The following MTHFD1L variants were observed in gnomAD, a reference collection of about 807,000 sequenced individuals.
The protein encoded by MTHFD1L is monofunctional C1-tetrahydrofolate synthase, mitochondrial.
In MTHFD1L, 81 loss-of-function variants were observed where a neutral mutation model predicts 119.5. The observed-to-expected ratio is 0.68, with a 90% CI of 0.57 to 0.82. MTHFD1L has a LOEUF of 0.82. Among genes scored for constraint, MTHFD1L ranks in the 40% least tolerant of loss-of-function variants. MTHFD1L has a pLI of 0.00. For synonymous variants in MTHFD1L, 430 were observed against 475.2 expected (o/e 0.90, Z 1.24); for missense variants, 1,125 against 1,253.4 (o/e 0.90, Z 1.55).
Position 151,041,998 on chromosome 6 carries a change from A to T in MTHFD1L, c.2847+4881A>T, listed in dbSNP as rs1023526432. 10 of 365,090 alleles carry T rather than the reference A, an allele frequency of 2.7e-5. No individual in the cohort carries two copies. The Admixed American group carries it at 4.0e-4, about 15-fold the overall frequency. The allele number at this position is 365,090 out of a possible 1,614,324, so 22.6% of individuals were successfully genotyped here. A position where few individuals can be genotyped will look rare whatever the true frequency, so the allele number is the denominator to read the frequency against. On this transcript the variant is annotated intron_variant, in intron 26 of 27. Transcript: ENST00000367321. ...TTTCCTACCATTGAATTATTTCGTC[A>T]TGTTCTATTTAATTATTGCTTTAAT... is the stretch of plus-strand genomic sequence containing the variant.
chr6:151,006,570 GT>G (rs1271080509), intron 20 of MTHFD1L, among the ~76,000 whole-genome samples: 1 of 152,082 alleles, frequency 6.6e-6, no homozygotes, highest in Non-Finnish European at 1.5e-5. Context: ...GAGGAGCTAG[GT>G]TTTTGAAGGG....
intron 24 of MTHFD1L, among the ~76,000 whole-genome samples, chr6:151,030,548 G>A (rs1000637627): frequency 4.6e-5 from 7 of 152,218 alleles, no homozygotes; most frequent in African/African-American, 1.7e-4. Context: ...AGAGGAGCTC[G>A]CATTAGTTTC....
intron 26 of MTHFD1L, among the ~76,000 whole-genome samples, chr6:151,066,437 CAAAAAAAAAAAAAAA>C (rs35065800): frequency 2.0e-5 from 1 of 50,686 alleles, no homozygotes; most frequent in Non-Finnish European, 3.5e-5. Context: ...GACTCCATCT[CAAAAAAAAAAAAAAA>C]AAAAAAAAGA....
chr6:150,916,212 G>A (rs1296148763), intron 8 of MTHFD1L, among the ~76,000 whole-genome samples: 1 of 151,686 alleles, frequency 6.6e-6, no homozygotes, highest in East Asian at 1.9e-4. Flanking sequence ...TTTTCTCTAA[G>A]GGAGGATGCA....
intron 11 of MTHFD1L, among the ~76,000 whole-genome samples, chr6:150,936,132 C>T (rs1339275070): frequency 6.6e-6 from 1 of 152,096 alleles, no homozygotes; most frequent in Admixed American, 6.5e-5. Context: ...AGGGATCAGG[C>T]TTAGTGTGTA....
intron 20 of MTHFD1L, among the ~76,000 whole-genome samples, chr6:151,003,400 T>C (rs940373524): frequency 1.3e-5 from 2 of 151,926 alleles, no homozygotes; most frequent in African/African-American, 4.8e-5. Flanking sequence ...AGCGTGGTGG[T>C]GGGTGCCTGT....
chr6:150,960,573 C>T (rs1422405275), intron 18 of MTHFD1L, among the ~76,000 whole-genome samples, 158 bp downstream of exon 18: 1 of 152,210 alleles, frequency 6.6e-6, no homozygotes, highest in East Asian at 1.9e-4. Context: ...GTTTGCCTAA[C>T]TGCTTCCTAA....
intron 17 of MTHFD1L, chr6:150,959,301 C>A: frequency 3.0e-6 from 2 of 666,388 alleles, no homozygotes; most frequent in Non-Finnish European, 3.7e-6. Context: ...CAGGGCACAG[C>A]CATTCTCTCT....
rs543668295 is a variant in MTHFD1L at position 150,875,644 on chromosome 6, CCT to C, written c.228-445_228-444del. ...ACACTTCTTGTCCAACAGTGAGCCC[CCT>C]GTCTTCACCCCCCTAATCCCCTGTC... On this transcript the variant is annotated intron_variant, in intron 1 of 27. Transcript: ENST00000367321. Among the ~76,000 whole-genome samples the C allele has an allele frequency of 1.7e-3, 259 of 152,030 alleles. 1 individual carries two copies. The highest frequency in any genetic ancestry group is 4.6e-3 in the South Asian group (22 of 4,794).
chr6:150,958,117 AC>A (rs1795909125), intron 17 of MTHFD1L, among the ~76,000 whole-genome samples: 2 of 152,164 alleles, frequency 1.3e-5, no homozygotes, highest in Admixed American at 6.5e-5. Flanking sequence ...TGTTAAAAAA[AC>A]TTGCCCAAGG....
intron 20 of MTHFD1L, among the ~76,000 whole-genome samples, chr6:150,992,374 G>A (rs1332887605): frequency 6.6e-6 from 1 of 152,184 alleles, no homozygotes; most frequent in Non-Finnish European, 1.5e-5. Flanking sequence ...GTGTGCTTAT[G>A]TAGAAAAAGT....
chr6:150,894,526 T>C (rs1249531153), intron 7 of MTHFD1L, among the ~76,000 whole-genome samples: 5 of 152,098 alleles, frequency 3.3e-5, no homozygotes, highest in Non-Finnish European at 7.4e-5. Context: ...CCTCAGTAGA[T>C]TATTATCAAC....
chr6:151,098,767 A>G (rs1795101993), intron 27 of MTHFD1L, among the ~76,000 whole-genome samples: 1 of 152,258 alleles, frequency 6.6e-6, no homozygotes, highest in Non-Finnish European at 1.5e-5. Context: ...CCAACGCATA[A>G]GCAATAAACA....
At chr6:151,017,552 C>T (rs549109281) in intron 24 of MTHFD1L, among the ~76,000 whole-genome samples, 11 of 152,056 alleles carry the variant, frequency 7.2e-5, no homozygotes, top group East Asian at 1.9e-4. Flanking sequence ...TCACCATGTT[C>T]GTCAGGCTGG....
chr6:150,971,543 T>G (rs1021551564), intron 19 of MTHFD1L, among the ~76,000 whole-genome samples: 3 of 152,220 alleles, frequency 2.0e-5, no homozygotes, highest in Non-Finnish European at 4.4e-5. Context: ...ATGGAATCAT[T>G]TCTTAATTAA....
At chr6:150,932,856 T>A (rs192617194) in intron 11 of MTHFD1L, among the ~76,000 whole-genome samples, 36 of 107,804 alleles carry the variant, frequency 3.3e-4, no homozygotes, top group Non-Finnish European at 1.8e-5. Flanking sequence ...GAGAGAGTAA[T>A]TAGATTACCT....
At chr6:151,016,188 T>G (rs113238732) in intron 24 of MTHFD1L, among the ~76,000 whole-genome samples, 5 of 152,188 alleles carry the variant, frequency 3.3e-5, no homozygotes, top group African/African-American at 1.2e-4. Context: ...GCCTGTGCTT[T>G]TGAAGACTCC....
chr6:150,992,177 G>A (rs530187210), intron 20 of MTHFD1L, among the ~76,000 whole-genome samples: 4 of 151,912 alleles, frequency 2.6e-5, no homozygotes, highest in Admixed American at 2.6e-4. Flanking sequence ...TCCCTCCCCA[G>A]GAAAGGACTC....
intron 4 of MTHFD1L, among the ~76,000 whole-genome samples, chr6:150,881,616 C>A (rs1313551202): frequency 6.6e-6 from 1 of 152,162 alleles, no homozygotes; most frequent in Non-Finnish European, 1.5e-5. Flanking sequence ...CACCCATCAT[C>A]ACTCTGTTAG....
Sources: allele counts gnomAD v4.1 joint callset (sites outside exome capture counted in the v4.1 genomes callset), GRCh38; gene constraint gnomAD v4.1.1; transcripts MANE v1.5; gene names NCBI Gene and HGNC (gene_info 2026-07-23, HGNC 2026-07-21).